Variants in HIVEP3 observed in about 807,000 individuals in gnomAD.
HIVEP3 encodes the protein transcription factor HIVEP3.
In HIVEP3, 49 loss-of-function variants were observed where a neutral mutation model predicts 152.8. The observed-to-expected ratio is 0.32, with a 90% confidence interval of 0.26 to 0.41. The LOEUF is 0.41. Among genes scored for constraint, HIVEP3 ranks in the 10% least tolerant of loss-of-function variants. The pLI is 1.00. For missense variants in HIVEP3, 2,790 were observed against 3,103.3 expected (o/e 0.90, Z 2.40); for synonymous variants, 1,269 against 1,289.0 (o/e 0.98, Z 0.33).
chr1:41,838,058 A>T (rs1643177438), intron 1 of HIVEP3, among the ~76,000 whole-genome samples: 1 of 152,170 alleles, frequency 6.6e-6, no homozygotes, highest in Admixed American at 6.5e-5. Context: ...TGCCCCTTTG[A>T]CACAGATGGC....
At position 41,510,386 on chromosome 1, in the gene HIVEP3, G is replaced by T. The variant is rs535094900; in HGVS notation, c.*65C>A. 2 of 1,339,314 alleles carry T rather than the reference G, an allele frequency of 1.5e-6. No homozygotes were observed. Among genetic ancestry groups the T allele is most frequent in the Non-Finnish European group, 2.0e-6 (2 of 1,024,028 alleles). 83.0% of individuals were successfully genotyped at this position (1,339,314 alleles called of 1,614,324 possible). ...GGCTGAGGAAGTGGGATGATTCGAG[G>T]AAAGTGGCTGGAAACGTCTGTTGCT... On this transcript the variant is annotated 3_prime_UTR_variant, in exon 9 of 9. Transcript: ENST00000372583.
At position 41,582,941 on chromosome 1, in the gene HIVEP3, G is replaced by A. The variant is rs143644478; in HGVS notation, c.1857C>T (p.Asp619=). The A allele has an allele frequency of 1.6e-4, 258 of 1,613,984 alleles. No individual in the cohort carries two copies. In the African/African-American group the frequency reaches 2.4e-3, roughly 15 times the overall value. The change falls in exon 4 of 9, where the codon GAC becomes GAT. Residue 619 remains aspartate, a synonymous_variant. Transcript: ENST00000372583. The surrounding 1 kb of genome is among the most constrained non-coding windows in gnomAD (Gnocchi z 4.7). ...GCTCGCTTTCCTTGGGTTCCACTTCGTCCGAGGGCTTGGAGGCTGTGTCTT... is the reference window on the plus strand; with the variant it reads ...GCTCGCTTTCCTTGGGTTCCACTTCATCCGAGGGCTTGGAGGCTGTGTCTT... ...SSKDTASKPS[D]EVEPKESELT...
intron 3 of HIVEP3, among the ~76,000 whole-genome samples, chr1:41,587,271 A>G (rs1274096263): frequency 6.6e-6 from 1 of 152,212 alleles, no homozygotes; most frequent in Admixed American, 6.5e-5. Flanking sequence ...ACAGTGATTG[A>G]TATTTGTCAA....
intron 1 of HIVEP3, among the ~76,000 whole-genome samples, chr1:41,831,520 A>G (rs772366199): frequency 5.9e-5 from 9 of 152,228 alleles, no homozygotes; most frequent in Non-Finnish European, 1.0e-4. Flanking sequence ...ACAATATCCA[A>G]TGAGTATCGG....
At chr1:41,670,567 A>G (rs765818650) in intron 2 of HIVEP3, among the ~76,000 whole-genome samples, 16 of 152,242 alleles carry the variant, frequency 1.1e-4, no homozygotes, top group Non-Finnish European at 1.8e-4. Flanking sequence ...GACAGACAGT[A>G]AACAAGAAAC....
chr1:41,983,082 C>T (rs1225764595), intron 1 of HIVEP3, among the ~76,000 whole-genome samples: 2 of 152,202 alleles, frequency 1.3e-5, no homozygotes, highest in Non-Finnish European at 2.9e-5. Context: ...ATAGGGTTCA[C>T]ACCCCTACGA....
chr1:41,510,538 G>A lies in HIVEP3; in HGVS notation c.7134C>T (p.Thr2378=). 6.3e-7 allele frequency: 1 copy of A among 1,584,184 alleles called. No individual in the cohort carries two copies. The highest frequency in any genetic ancestry group is 8.6e-7 in the Non-Finnish European group (1 of 1,165,188). The change falls in exon 9 of 9, where the codon ACC becomes ACT. Residue 2378 remains threonine (T), a synonymous_variant. Transcript: ENST00000372583. ...CTGAGGGCTTGGGGGAGTCCTGCCT[G>A]GTCCTGGGTTCCCCGGAGAGGTTCC... ...RTRNLSGEPR[T]RQDSPKPSGS... is the part of the protein sequence containing the mutation.
chr1:41,963,882 T>C (rs968670878), intron 1 of HIVEP3, among the ~76,000 whole-genome samples: 7 of 152,190 alleles, frequency 4.6e-5, no homozygotes, highest in Non-Finnish European at 1.0e-4. Flanking sequence ...ATACTCAGAT[T>C]CTGACGTAAT....
rs114115713 is a variant in HIVEP3 at position 41,850,566 on chromosome 1, G to A, written c.-801+67847C>T. On this transcript the variant is annotated intron_variant, in intron 1 of 8. Coordinates refer to ENST00000372583, the MANE Select transcript of HIVEP3 (RefSeq NM_024503.5). ...CCTAGAAAATCTCCTAATTTTTGTCGTCATTAGAGTCACAAGGCTCAAGAG... is the reference window on the plus strand; with the variant it reads ...CCTAGAAAATCTCCTAATTTTTGTCATCATTAGAGTCACAAGGCTCAAGAG... Among the ~76,000 whole-genome samples, 285 of 152,234 alleles carry A rather than the reference G, an allele frequency of 1.9e-3. 1 individual carries two copies. The highest frequency in any genetic ancestry group is 6.5e-3 in the African/African-American group (268 of 41,542).
chr1:41,703,073 A>G (rs1378196036), intron 1 of HIVEP3, among the ~76,000 whole-genome samples: 1 of 152,184 alleles, frequency 6.6e-6, no homozygotes, highest in Non-Finnish European at 1.5e-5. Context: ...AATTTTGAGA[A>G]GAAGATAGAA....
intron 2 of HIVEP3, among the ~76,000 whole-genome samples, chr1:41,643,179 G>A (rs1322951501): frequency 2.0e-5 from 3 of 152,138 alleles, no homozygotes; most frequent in African/African-American, 7.2e-5. Context: ...CTGCATCACA[G>A]CTCTGATTAG....
chr1:41,842,234 A>C (rs1413697023), intron 1 of HIVEP3, among the ~76,000 whole-genome samples: 2 of 152,172 alleles, frequency 1.3e-5, no homozygotes, highest in Non-Finnish European at 1.5e-5. Context: ...ATAAAAACTC[A>C]TTATTAAATC....
intron 7 of HIVEP3, among the ~76,000 whole-genome samples, chr1:41,515,718 G>A (rs1642586316): frequency 6.6e-6 from 1 of 152,210 alleles, no homozygotes; most frequent in Non-Finnish European, 1.5e-5. Context: ...CCACTTCCTT[G>A]CTGTGTGACG....
chr1:41,912,700 T>C (rs1644815834), intron 1 of HIVEP3, among the ~76,000 whole-genome samples: 1 of 152,216 alleles, frequency 6.6e-6, no homozygotes, highest in African/African-American at 2.4e-5. Context: ...ATTCTGCTTC[T>C]CTTGCTAAGA....
chr1:41,607,029 G>T (rs373470592), intron 3 of HIVEP3, among the ~76,000 whole-genome samples: 27 of 151,802 alleles, frequency 1.8e-4, no homozygotes, highest in African/African-American at 5.3e-4. Context: ...TCACCATATT[G>T]CTCAGTGTGG....
chr1:41,780,940 T>A (rs1649005527), intron 1 of HIVEP3, among the ~76,000 whole-genome samples: 1 of 152,218 alleles, frequency 6.6e-6, no homozygotes, highest in Non-Finnish European at 1.5e-5. Flanking sequence ...GACATTTGAA[T>A]GAAGAGCAGG....
intron 1 of HIVEP3, among the ~76,000 whole-genome samples, chr1:41,853,862 G>A (rs186489401): frequency 4.6e-5 from 7 of 152,250 alleles, no homozygotes; most frequent in Admixed American, 3.3e-4. Flanking sequence ...CTTCAGCAGC[G>A]GCTCTAGGCT....
At chr1:41,635,198 A>T (rs975278415) in intron 2 of HIVEP3, among the ~76,000 whole-genome samples, 1 of 152,098 alleles carries the variant, frequency 6.6e-6, no homozygotes, top group Non-Finnish European at 1.5e-5. Context: ...TTCTAAAAAA[A>T]CTCTTGAATC....
intron 1 of HIVEP3, among the ~76,000 whole-genome samples, chr1:41,992,077 G>A (rs1645365548): frequency 6.8e-6 from 1 of 147,100 alleles, no homozygotes; most frequent in South Asian, 2.2e-4. Context: ...CATTCCCTTT[G>A]AAAACTGGCA....
Sources: allele counts gnomAD v4.1 joint callset (sites outside exome capture counted in the v4.1 genomes callset), GRCh38; gene constraint gnomAD v4.1.1; non-coding constraint Gnocchi (gnomAD v3.1); transcripts MANE v1.5; gene names NCBI Gene and HGNC (gene_info 2026-07-23, HGNC 2026-07-21).